The following FLNB variants were observed in gnomAD, a reference collection of about 807,000 sequenced individuals.
The protein encoded by FLNB is filamin-B.
Under a neutral mutation model 250.6 loss-of-function variants are expected in FLNB, and 111 were observed. The observed-to-expected ratio is 0.44, with a 90% CI of 0.38 to 0.52. The LOEUF is 0.52. Among genes scored for constraint, FLNB ranks in the 20% least tolerant of loss-of-function variants. The pLI is 0.00. For synonymous variants in FLNB, 1,302 were observed against 1,372.1 expected (o/e 0.95, Z 1.13); for missense variants, 2,869 against 3,447.8 (o/e 0.83, Z 4.20).
chr3:58,103,996 G>C lies in FLNB; in HGVS notation c.1521G>C (p.Leu507=), dbSNP rs2097255183. 4 of 1,614,020 alleles carry C rather than the reference G, an allele frequency of 2.5e-6. No homozygotes were observed. The highest frequency in any genetic ancestry group is 3.4e-6 in the Non-Finnish European group (4 of 1,179,974). The change falls in exon 10 of 46, where the codon CTG becomes CTC. Residue 507 remains leucine, a synonymous_variant. Transcript: ENST00000295956. ...LEELVKQKDF[L]DGVYAFEYYP... Reference sequence around the variant, plus strand: ...AGCTGGTGAAGCAGAAAGACTTTCTGGATGGGGTCTACGCATTCGAGTATT... The same window carrying C: ...AGCTGGTGAAGCAGAAAGACTTTCTCGATGGGGTCTACGCATTCGAGTATT...
At position 58,121,395 on chromosome 3, in the gene FLNB, C is replaced by T. The variant is rs772654034; in HGVS notation, c.3018C>T (p.Phe1006=). The T allele has an allele frequency of 2.1e-5, 34 of 1,614,046 alleles. No homozygotes were observed. The highest frequency in any genetic ancestry group is 2.5e-5 in the Non-Finnish European group (30 of 1,180,040). Residue 1006 remains phenylalanine, a synonymous_variant, in exon 20 of 46, where the codon TTC becomes TTT. Transcript: ENST00000295956. The part of the protein sequence containing the change: ...VTGRENSTAK[F]IPREEGLYAV... ...GCCGGGAGAACAGCACGGCCAAGTTCATCCCTCGGGAGGAGGGGCTGTATG... is the reference window on the plus strand; with the variant it reads ...GCCGGGAGAACAGCACGGCCAAGTTTATCCCTCGGGAGGAGGGGCTGTATG...
chr3:58,042,515 A>C (rs950827611), intron 1 of FLNB, among the ~76,000 whole-genome samples: 2 of 151,138 alleles, frequency 1.3e-5, no homozygotes, highest in Non-Finnish European at 3.0e-5. Flanking sequence ...TGCCCAGCAA[A>C]TTTATTTCTA....
chr3:58,108,324 A>G (rs1297718634), intron 12 of FLNB, 134 bp from the exon 13 acceptor site: 4 of 699,894 alleles, frequency 5.7e-6, no homozygotes, highest in South Asian at 1.5e-5. Flanking sequence ...CCCATAACCA[A>G]CCTCTTATGT....
intron 1 of FLNB, among the ~76,000 whole-genome samples, chr3:58,029,564 G>A (rs566862854): frequency 2.6e-5 from 4 of 151,456 alleles, no homozygotes; most frequent in Admixed American, 6.6e-5. Context: ...GAGTGCAATG[G>A]CTCGATCTCG....
chr3:58,102,179 T>C (rs1309057619), intron 8 of FLNB, 24 bp from the exon 9 acceptor site: 1 of 1,613,970 alleles, frequency 6.2e-7, no homozygotes, highest in Non-Finnish European at 8.5e-7. Flanking sequence ...AAAGATTGAA[T>C]TGATGTCAAA....
chr3:58,152,119 T>A (rs951305902), intron 38 of FLNB, among the ~76,000 whole-genome samples: 23 of 152,222 alleles, frequency 1.5e-4, no homozygotes, highest in African/African-American at 4.8e-5. Context: ...TTCTCTTAAG[T>A]CTCTTCCAGC....
intron 36 of FLNB, 68 bp from the exon 37 acceptor site, chr3:58,149,782 C>T (rs1320105537): frequency 1.3e-6 from 2 of 1,594,758 alleles, no homozygotes; most frequent in Admixed American, 1.7e-5. Context: ...GATGTCCTTT[C>T]TCCATTCATC....
intron 1 of FLNB, among the ~76,000 whole-genome samples, chr3:58,041,821 G>C (rs2106802211): frequency 6.6e-6 from 1 of 152,244 alleles, no homozygotes; most frequent in Non-Finnish European, 1.5e-5. Flanking sequence ...TAGGAGGGAA[G>C]CTTCCCGAGC....
chr3:58,061,810 G>C (rs890671963), intron 1 of FLNB, among the ~76,000 whole-genome samples: 1 of 151,794 alleles, frequency 6.6e-6, no homozygotes, highest in African/African-American at 2.4e-5. Flanking sequence ...TTTTTGGGGG[G>C]GCTGGGTGTG....
intron 20 of FLNB, among the ~76,000 whole-genome samples, chr3:58,122,205 A>G (rs1174744063): frequency 2.1e-5 from 3 of 141,742 alleles, no homozygotes; most frequent in Non-Finnish European, 4.6e-5. Flanking sequence ...AAAAAACATT[A>G]TTCTTGGCTG....
chr3:58,144,196 C>A (rs1352689348), intron 32 of FLNB, among the ~76,000 whole-genome samples: 1 of 152,174 alleles, frequency 6.6e-6, no homozygotes, highest in South Asian at 2.1e-4. Context: ...CCTTCCTACC[C>A]CTCTCCTTGA....
chr3:58,155,009 T>C, intron 40 of FLNB, 81 bp downstream of exon 40: 2 of 1,458,740 alleles, frequency 1.4e-6, no homozygotes, highest in African/African-American at 1.4e-5. Context: ...CCATCAAGTT[T>C]GCTGAAGTCA....
chr3:58,024,395 T>C (rs1459114394), intron 1 of FLNB, among the ~76,000 whole-genome samples: 5 of 152,064 alleles, frequency 3.3e-5, no homozygotes, highest in Non-Finnish European at 7.4e-5. Flanking sequence ...GGGGCTGGGG[T>C]AAGTGCCCCA....
At chr3:58,059,071 G>A (rs776725620) in intron 1 of FLNB, among the ~76,000 whole-genome samples, 2 of 152,162 alleles carry the variant, frequency 1.3e-5, no homozygotes, top group Non-Finnish European at 2.9e-5. Flanking sequence ...CATGTTAAAG[G>A]CTCTGAGAAG....
intron 15 of FLNB, 130 bp from the exon 16 acceptor site, chr3:58,109,880 C>T (rs1376932829): frequency 4.2e-6 from 6 of 1,427,384 alleles, no homozygotes; most frequent in Non-Finnish European, 5.9e-6. Flanking sequence ...TCCCCAAATC[C>T]TTACTCTTTC....
At chr3:58,148,565 C>A in intron 35 of FLNB, 84 bp from the exon 36 acceptor site, 1 of 1,314,328 alleles carries the variant, frequency 7.6e-7, no homozygotes, top group Non-Finnish European at 1.1e-6. Context: ...GGAAAGAGGA[C>A]ATATTTCTAT....
At chr3:58,129,522 T>C (rs139204446) in intron 24 of FLNB, among the ~76,000 whole-genome samples, 129 of 152,256 alleles carry the variant, frequency 8.5e-4, no homozygotes, top group African/African-American at 3.1e-3. Context: ...AAAGCCCCCT[T>C]TTGTTCCTCT....
At position 58,008,534 on chromosome 3, in the gene FLNB, C is replaced by A. The variant is rs138060096; in HGVS notation, c.-31C>A. 1 of 1,562,482 alleles carries A rather than the reference C, an allele frequency of 6.4e-7. No individual in the cohort carries two copies. Among genetic ancestry groups the A allele is most frequent in the East Asian group, 2.4e-5 (1 of 41,620 alleles). On this transcript the variant is annotated 5_prime_UTR_variant, in exon 1 of 46. Coordinates refer to ENST00000295956, the MANE Select transcript of FLNB (RefSeq NM_001457.4). ...CTCCAAACACCAGTCCCCGGCAGCT[C>A]GTTGCGCATTGCGCTCTCCCCGCCA...
Position 58,109,205 on chromosome 3 carries a change from C to A in FLNB, c.2082C>A (p.Ile694=). ...ATGGGGAAGGCCAACGCATTGACAT[C>A]CAGATGAAGAACCGGATGGACGGCA... ...AQDGEGQRID[I]QMKNRMDGTY... The change falls in exon 14 of 46, where the codon ATC becomes ATA. Residue 694 remains isoleucine (I), a synonymous_variant. Coordinates refer to ENST00000295956, the MANE Select transcript of FLNB (RefSeq NM_001457.4). The A allele has an allele frequency of 6.2e-7, 1 of 1,614,210 alleles. No homozygotes were observed. Among genetic ancestry groups the A allele is most frequent in the African/African-American group, 1.3e-5 (1 of 75,060 alleles).
Sources: allele counts gnomAD v4.1 joint callset (sites outside exome capture counted in the v4.1 genomes callset), GRCh38; gene constraint gnomAD v4.1.1; transcripts MANE v1.5; gene names NCBI Gene and HGNC (gene_info 2026-07-23, HGNC 2026-07-21).